CHD7: variants seen among roughly 807,000 people sequenced by gnomAD.
CHD7 encodes ATP-dependent chromatin remodeler CHD7.
A neutral mutation model predicts 307.3 loss-of-function variants in CHD7; 24 were observed. The observed-to-expected ratio is 0.08, with a 90% CI of 0.06 to 0.11. The LOEUF is 0.11. CHD7 is among the 10% of genes least tolerant of loss of function. The pLI is 1.00. For synonymous variants in CHD7, 1,363 were observed against 1,349.9 expected (o/e 1.01, Z -0.21); for missense variants, 3,106 against 3,727.1 (o/e 0.83, Z 4.34).
intron 1 of CHD7, among the ~76,000 whole-genome samples, chr8:60,691,667 C>A (rs1806201871): frequency 6.6e-6 from 1 of 152,190 alleles, no homozygotes. Context: ...CCCACTCCTC[C>A]CTTCCACCTC....
At position 60,795,073 on chromosome 8, in the gene CHD7, C is replaced by A. The variant is rs771267153; in HGVS notation, c.2184C>A (p.Asp728Glu). Residue 728 changes from aspartate (D) to glutamate (E), a missense_variant, in exon 4 of 38, where the codon GAC becomes GAA. This residue lies in a region of CHD7 where 998 missense variants were observed against 1,004.5 expected (regional missense o/e 0.99). Coordinates refer to ENST00000423902, the MANE Select transcript of CHD7 (RefSeq NM_017780.4). ...KTEGSENSDL[D>E]KTPPPSPPPE... is the part of the protein sequence containing the mutation. ...AAGGTTCTGAAAATTCAGACTTAGA[C>A]AAAACACCCCCACCATCTCCTCCTC... is the stretch of plus-strand genomic sequence containing the variant. 1.9e-5 allele frequency: 31 copies of A among 1,613,740 alleles called. No individual in the cohort carries two copies. Among genetic ancestry groups the A allele is most frequent in the Non-Finnish European group, 2.5e-5 (30 of 1,179,806 alleles).
intron 26 of CHD7, 56 bp downstream of exon 26, chr8:60,850,678 G>A: frequency 6.5e-7 from 1 of 1,545,198 alleles, no homozygotes. Flanking sequence ...ACATCTATTG[G>A]CAGGGTTCAG....
chr8:60,757,199 T>C (rs2150609265), intron 2 of CHD7, among the ~76,000 whole-genome samples: 1 of 152,314 alleles, frequency 6.6e-6, no homozygotes, highest in African/African-American at 2.4e-5. Context: ...GTCTTCTTTT[T>C]GGTGTCCAGT....
At chr8:60,717,641 G>A (rs1050557473) in intron 1 of CHD7, among the ~76,000 whole-genome samples, 3 of 152,154 alleles carry the variant, frequency 2.0e-5, no homozygotes, top group East Asian at 1.9e-4. Flanking sequence ...TCATTATACA[G>A]TCATGTGCCA....
chr8:60,781,155 A>G lies in CHD7; in HGVS notation c.1821A>G (p.Val607=), dbSNP rs1457334873. The G allele has an allele frequency of 6.2e-7, 1 of 1,608,832 alleles. No homozygotes were observed. The highest frequency in any genetic ancestry group is 8.5e-7 in the Non-Finnish European group (1 of 1,177,522). Residue 607 remains valine, a synonymous_variant, in exon 3 of 38, where the codon GTA becomes GTG. Transcript: ENST00000423902. ...AGAAAAAGAAAAACAACCACATTGTAGCAGAGGATCCCAGTAAAGGTTTTG... is the reference window on the plus strand; with the variant it reads ...AGAAAAAGAAAAACAACCACATTGTGGCAGAGGATCCCAGTAAAGGTTTTG... ...KKKKKKNNHI[V]AEDPSKGFGK... is the part of the protein sequence containing the mutation.
chr8:60,756,184 A>G (rs548130415), intron 2 of CHD7, among the ~76,000 whole-genome samples: 1 of 152,374 alleles, frequency 6.6e-6, no homozygotes, highest in Non-Finnish European at 1.5e-5. Flanking sequence ...ACAATTAAAA[A>G]TAGAAAGGAG....
At chr8:60,817,025 T>C (rs1042174345) in intron 8 of CHD7, among the ~76,000 whole-genome samples, 2 of 152,192 alleles carry the variant, frequency 1.3e-5, no homozygotes, top group Non-Finnish European at 2.9e-5. Context: ...GGTATCAGTA[T>C]AGAAGTACAG....
chr8:60,702,219 C>T (rs954342374), intron 1 of CHD7, among the ~76,000 whole-genome samples: 6 of 152,136 alleles, frequency 3.9e-5, no homozygotes, highest in Admixed American at 6.5e-5. Context: ...AAGCCCCTAG[C>T]GCAGTGCTCT....
In CHD7 at chr8:60,824,028, T is replaced by C; in HGVS notation, c.3378+12T>C. ...AGATGATGGACTTGGTCAGTGACCATATTGGTGATTGCACTGAACCTGAAT... is the reference window on the plus strand; with the variant it reads ...AGATGATGGACTTGGTCAGTGACCACATTGGTGATTGCACTGAACCTGAAT... On this transcript the variant is annotated intron_variant, in intron 13 of 37. Coordinates refer to ENST00000423902, the MANE Select transcript of CHD7 (RefSeq NM_017780.4). 1.9e-6 allele frequency: 3 copies of C among 1,608,434 alleles called. No individual in the cohort carries two copies. Among genetic ancestry groups the C allele is most frequent in the South Asian group, 2.2e-5 (2 of 90,690 alleles).
intron 1 of CHD7, among the ~76,000 whole-genome samples, chr8:60,725,054 A>G (rs1378783731): frequency 6.6e-6 from 1 of 152,208 alleles, no homozygotes; most frequent in Non-Finnish European, 1.5e-5. Context: ...TACTCCTTCA[A>G]CAAGTGCATT....
intron 5 of CHD7, 69 bp from the exon 6 acceptor site, chr8:60,801,459 A>C (rs1436980894): frequency 1.7e-6 from 2 of 1,184,112 alleles, no homozygotes; most frequent in African/African-American, 3.0e-5. Context: ...AAGGGGAATG[A>C]TTTCTTGCTC....
At chr8:60,829,777 C>G (rs1300465929) in intron 14 of CHD7, among the ~76,000 whole-genome samples, 1 of 152,136 alleles carries the variant, frequency 6.6e-6, no homozygotes, top group Admixed American at 6.5e-5. Flanking sequence ...TAGCTCAGTT[C>G]AGAGTAAGGT....
In CHD7 at chr8:60,742,267, C is replaced by T; in HGVS notation, c.835C>T (p.Pro279Ser). 2 of 1,613,948 alleles carry T rather than the reference C, an allele frequency of 1.2e-6. No individual in the cohort carries two copies. Among genetic ancestry groups the T allele is most frequent in the Non-Finnish European group, 1.7e-6 (2 of 1,179,882 alleles). The change falls in exon 2 of 38, where the codon CCT becomes TCT. Residue 279 changes from proline to serine, a missense_variant. Pro to Ser is a moderately conservative substitution (Grantham distance 74). This residue lies in a region of CHD7 where 998 missense variants were observed against 1,004.5 expected (regional missense o/e 0.99). Transcript: ENST00000423902. ...VAHSPRFSPN[P>S]PQQGAVRPQT... ...CCACAGTCCCAGATTCTCCCCGAATCCTCCCCAACAAGGGGCTGTTAGGCC... is the reference window on the plus strand; with the variant it reads ...CCACAGTCCCAGATTCTCCCCGAATTCTCCCCAACAAGGGGCTGTTAGGCC...
At chr8:60,773,432 A>G (rs186135926) in intron 2 of CHD7, among the ~76,000 whole-genome samples, 4 of 152,378 alleles carry the variant, frequency 2.6e-5, no homozygotes, top group Admixed American at 2.0e-4. Flanking sequence ...TTTTGCAAGC[A>G]TTTATGAAGC....
chr8:60,840,556 T>C (rs1804926450), intron 19 of CHD7, among the ~76,000 whole-genome samples: 1 of 152,166 alleles, frequency 6.6e-6, no homozygotes, highest in Non-Finnish European at 1.5e-5. Context: ...AGGCCAGACT[T>C]GAACACATGG....
intron 16 of CHD7, 147 bp from the exon 17 acceptor site, chr8:60,836,670 A>C (rs1011986883): frequency 5.5e-6 from 3 of 549,970 alleles, no homozygotes; most frequent in Non-Finnish European, 9.2e-6. Context: ...AACGCCAATA[A>C]ACCCTATTTG....
chr8:60,828,531 C>A, intron 13 of CHD7, 132 bp from the exon 14 acceptor site: 1 of 794,128 alleles, frequency 1.3e-6, no homozygotes, highest in Non-Finnish European at 1.9e-6. Flanking sequence ...CCTCTGTTTT[C>A]ATGCCTGATT....
intron 2 of CHD7, among the ~76,000 whole-genome samples, chr8:60,755,373 A>AT (rs1809842414): frequency 6.6e-6 from 1 of 152,120 alleles, no homozygotes; most frequent in Non-Finnish European, 1.5e-5. Flanking sequence ...AGAATTTACT[A>AT]TTTAGAGCGA....
Position 60,759,375 on chromosome 8 carries a change from C to T in CHD7, c.1665+16278C>T, listed in dbSNP as rs747935678. 2.0e-5 allele frequency among the ~76,000 whole-genome samples: 3 copies of T among 151,836 alleles called. No individual in the cohort carries two copies. The South Asian group carries it at 6.2e-4, about 32-fold the overall frequency. On this transcript the variant is annotated intron_variant, in intron 2 of 37. Coordinates refer to ENST00000423902, the MANE Select transcript of CHD7 (RefSeq NM_017780.4). ...TTTCTGATGCTGTTTGCTTCTCTCC[C>T]TCTCCATCTCCCTCTCCCTCTCTCT... is the stretch of plus-strand genomic sequence containing the variant.
Sources: allele counts gnomAD v4.1 joint callset (sites outside exome capture counted in the v4.1 genomes callset), GRCh38; gene constraint gnomAD v4.1.1; regional missense constraint gnomAD v4.1.1; transcripts MANE v1.5; gene names NCBI Gene and HGNC (gene_info 2026-07-23, HGNC 2026-07-21).